Variants in CCDC91 observed in about 807,000 individuals in gnomAD.
The protein encoded by CCDC91 is coiled-coil domain-containing protein 91.
CCDC91 carries 48 observed loss-of-function variants against 63.2 expected under a neutral mutation model. That is an observed-to-expected ratio of 0.76 (90% CI 0.60 to 0.97). CCDC91 has a LOEUF of 0.97. CCDC91 is among the 50% of genes least tolerant of loss of function. The pLI, the probability that CCDC91 is intolerant of heterozygous loss-of-function variation, is 0.00. For synonymous variants in CCDC91, 167 were observed against 165.8 expected (o/e 1.01, Z -0.06); for missense variants, 500 against 494.6 (o/e 1.01, Z -0.10).
rs563960357 is a variant in CCDC91 at position 28,473,057 on chromosome 12, C to T, written c.1102-10995C>T. Among the ~76,000 whole-genome samples, 6 of 152,240 alleles carry T rather than the reference C, an allele frequency of 3.9e-5. No individual in the cohort carries two copies. The East Asian group carries it at 9.6e-4, about 24-fold the overall frequency. ...CTACCCCATAGTATAAGTCTTGCTGCAGATAAGTGCTATTGTGCATTGTAA... is the reference window on the plus strand; with the variant it reads ...CTACCCCATAGTATAAGTCTTGCTGTAGATAAGTGCTATTGTGCATTGTAA... On this transcript the variant is annotated intron_variant, in intron 11 of 12. Coordinates refer to ENST00000536442, the MANE Select transcript of CCDC91 (RefSeq NM_018318.5).
intron 6 of CCDC91, among the ~76,000 whole-genome samples, chr12:28,361,783 A>C (rs1247405401): frequency 7.0e-6 from 1 of 142,234 alleles, no homozygotes; most frequent in Non-Finnish European, 1.5e-5. Flanking sequence ...TCTTACATAC[A>C]TTTTAAAAAC....
intron 12 of CCDC91, among the ~76,000 whole-genome samples, chr12:28,522,782 C>G (rs1940852489): frequency 6.6e-6 from 1 of 152,122 alleles, no homozygotes; most frequent in Non-Finnish European, 1.5e-5. Flanking sequence ...TGTCTTTGTT[C>G]TCATTGGTTT....
chr12:28,531,652 TTC>T (rs1941741511), intron 12 of CCDC91, among the ~76,000 whole-genome samples: 1 of 152,206 alleles, frequency 6.6e-6, no homozygotes, highest in Admixed American at 6.5e-5. Context: ...ATCATTTGAC[TTC>T]TGAAAATTTT....
intron 1 of CCDC91, among the ~76,000 whole-genome samples, chr12:28,253,987 A>G (rs1258539987): frequency 6.6e-6 from 1 of 152,212 alleles, no homozygotes; most frequent in Non-Finnish European, 1.5e-5. Context: ...TCTGTACACC[A>G]GACTGTAACT....
rs1003261360 is a variant in CCDC91 at position 28,501,949 on chromosome 12, C to T, written c.1215+17784C>T. 4.6e-5 allele frequency among the ~76,000 whole-genome samples: 7 copies of T among 151,948 alleles called. No individual in the cohort carries two copies. The South Asian group carries it at 8.3e-4, about 18-fold the overall frequency. On this transcript the variant is annotated intron_variant, in intron 12 of 12. Transcript: ENST00000536442. ...TTTAGTCTTGGGAGGGTGTATGTGT[C>T]GAGGAATTTATCCATTTCTTTTAGA...
At chr12:28,486,375 C>T (rs1051237848) in intron 12 of CCDC91, among the ~76,000 whole-genome samples, 2 of 151,976 alleles carry the variant, frequency 1.3e-5, no homozygotes, top group African/African-American at 4.8e-5. Flanking sequence ...TTATCCATTC[C>T]TCTGTCAATG....
At chr12:28,209,628 G>A (rs1943093595) in intron 1 of CCDC91, among the ~76,000 whole-genome samples, 1 of 151,858 alleles carries the variant, frequency 6.6e-6, no homozygotes, top group South Asian at 2.1e-4. Context: ...ACAGGGTTTC[G>A]TCATGTTGAC....
intron 3 of CCDC91, among the ~76,000 whole-genome samples, chr12:28,267,798 T>C (rs1423468714): frequency 3.5e-4 from 13 of 36,620 alleles, no homozygotes; most frequent in South Asian, 7.3e-4. Flanking sequence ...TTATATATAA[T>C]TATATAGTAA....
chr12:28,365,845 A>G (rs1326513761), intron 7 of CCDC91, among the ~76,000 whole-genome samples: 1 of 152,188 alleles, frequency 6.6e-6, no homozygotes, highest in Non-Finnish European at 1.5e-5. Flanking sequence ...CAAATATGCA[A>G]CTGGAATAGA....
chr12:28,381,747 T>A (rs2139088442), intron 7 of CCDC91, among the ~76,000 whole-genome samples: 1 of 152,276 alleles, frequency 6.6e-6, no homozygotes, highest in South Asian at 2.1e-4. Context: ...ATCTGAGCTG[T>A]TGTTAAATCA....
At chr12:28,372,305 C>G (rs1314331392) in intron 7 of CCDC91, among the ~76,000 whole-genome samples, 1 of 151,772 alleles carries the variant, frequency 6.6e-6, no homozygotes, top group Non-Finnish European at 1.5e-5. Context: ...CTTAGGATTG[C>G]TTATTTGGGC....
chr12:28,291,273 C>T (rs564061899), intron 3 of CCDC91, among the ~76,000 whole-genome samples: 20 of 152,226 alleles, frequency 1.3e-4, no homozygotes, highest in Middle Eastern at 3.4e-3. Flanking sequence ...CTTGAAAAAG[C>T]GGTAGTTGGT....
chr12:28,208,623 A>G (rs1384982824), intron 1 of CCDC91, among the ~76,000 whole-genome samples: 3 of 152,204 alleles, frequency 2.0e-5, no homozygotes, highest in African/African-American at 2.4e-5. Flanking sequence ...ACTTGATATT[A>G]TGAAATAGAA....
intron 12 of CCDC91, among the ~76,000 whole-genome samples, chr12:28,490,416 A>G (rs1040050344): frequency 6.6e-6 from 1 of 151,922 alleles, no homozygotes; most frequent in African/African-American, 2.4e-5. Flanking sequence ...AGCCTTCTCT[A>G]CATAAGCTAT....
chr12:28,381,292 A>T (rs1167296963), intron 7 of CCDC91, among the ~76,000 whole-genome samples: 3 of 152,228 alleles, frequency 2.0e-5, no homozygotes, highest in East Asian at 3.9e-4. Flanking sequence ...CCTTCTAGGT[A>T]ATCAACTTTG....
At chr12:28,387,065 G>A (rs931057632) in intron 7 of CCDC91, among the ~76,000 whole-genome samples, 1 of 152,042 alleles carries the variant, frequency 6.6e-6, no homozygotes, top group Non-Finnish European at 1.5e-5. Context: ...AAACGTAAAG[G>A]AATCTCTGTG....
At chr12:28,269,156 A>G (rs920053284) in intron 3 of CCDC91, among the ~76,000 whole-genome samples, 9 of 151,938 alleles carry the variant, frequency 5.9e-5, no homozygotes, top group Non-Finnish European at 1.5e-5. Context: ...TATACTTTGT[A>G]TTTACTCAGG....
intron 11 of CCDC91, among the ~76,000 whole-genome samples, chr12:28,482,236 A>G (rs1033329286): frequency 6.6e-6 from 1 of 151,860 alleles, no homozygotes; most frequent in African/African-American, 2.4e-5. Flanking sequence ...TAAATTTGCA[A>G]GTGTGAAGTC....
At chr12:28,363,964 T>TG (rs1944095196) in intron 7 of CCDC91, among the ~76,000 whole-genome samples, 1 of 89,448 alleles carries the variant, frequency 1.1e-5, no homozygotes, top group Non-Finnish European at 2.5e-5. Flanking sequence ...GTGAAAAGTG[T>TG]TTTTTTTTTT....
Sources: gnomAD v4.1 joint callset for allele counts (sites outside exome capture counted in the v4.1 genomes callset) on GRCh38, gnomAD v4.1.1 for gene constraint, MANE v1.5 for transcripts, NCBI Gene and HGNC (gene_info 2026-07-23, HGNC 2026-07-21) for gene names.